TMEM255B: variants seen among roughly 807,000 people sequenced by gnomAD.
TMEM255B encodes the protein family with sequence similarity 70, member B.
In TMEM255B, 35 loss-of-function variants were observed where a neutral mutation model predicts 34.5. The observed-to-expected ratio is 1.01, with a 90% confidence interval of 0.77 to 1.34. The LOEUF (loss-of-function observed/expected upper bound fraction) is 1.34, where lower values mean the gene tolerates loss of function less well. Among genes scored for constraint, TMEM255B ranks in the 40% most tolerant of loss-of-function variants. TMEM255B has a pLI of 0.00. For synonymous variants in TMEM255B, 206 were observed against 201.2 expected (o/e 1.02, Z -0.20); for missense variants, 432 against 433.2 (o/e 1.00, Z 0.02).
At chr13:113,809,326 G>A (rs183183372) in intron 8 of TMEM255B, among the ~76,000 whole-genome samples, 206 of 23,496 alleles carry the variant, frequency 8.8e-3, no homozygotes, top group Middle Eastern at 0.023. Flanking sequence ...TTACTCCATG[G>A]TTCCCGGGGG....
At chr13:113,785,698 C>G (rs369234710) in intron 3 of TMEM255B, among the ~76,000 whole-genome samples, 1 of 152,172 alleles carries the variant, frequency 6.6e-6, no homozygotes. Context: ...GAACGGTTGC[C>G]GCTGGGCTTG....
intron 4 of TMEM255B, among the ~76,000 whole-genome samples, chr13:113,796,263 AC>A (rs1269809186): frequency 6.7e-6 from 1 of 150,316 alleles, no homozygotes; most frequent in African/African-American, 2.5e-5. Flanking sequence ...CAGAGTACAC[AC>A]CTCACACACC....
intron 8 of TMEM255B, among the ~76,000 whole-genome samples, chr13:113,805,278 G>C (rs575765373): frequency 2.0e-5 from 3 of 152,204 alleles, no homozygotes; most frequent in Non-Finnish European, 4.4e-5. Context: ...TTCTGACCCC[G>C]GGGCTGGCCC....
intron 1 of TMEM255B, chr13:113,761,218 G>T (rs1221926964): frequency 1.0e-6 from 1 of 985,234 alleles, no homozygotes; most frequent in Non-Finnish European, 1.2e-6. Context: ...AGGAAGGCCG[G>T]ATCTTAGAAC....
At chr13:113,792,486 C>A (rs1235413106) in intron 3 of TMEM255B, among the ~76,000 whole-genome samples, 1 of 152,216 alleles carries the variant, frequency 6.6e-6, no homozygotes, top group South Asian at 2.1e-4. Flanking sequence ...TGAGGAAATT[C>A]TGTTTATTCT....
intron 7 of TMEM255B, among the ~76,000 whole-genome samples, chr13:113,804,194 C>T (rs1051104981): frequency 2.0e-5 from 3 of 152,218 alleles, no homozygotes; most frequent in Admixed American, 6.5e-5. Context: ...TGAGGCCGGC[C>T]GGGGCCTGAG....
intron 5 of TMEM255B, among the ~76,000 whole-genome samples, chr13:113,800,448 C>A (rs1005197809): frequency 6.6e-6 from 1 of 151,962 alleles, no homozygotes; most frequent in African/African-American, 2.4e-5. Flanking sequence ...CGCCCTGGGA[C>A]GGGGCCTGTT....
At chr13:113,762,078 C>T (rs1027623387) in intron 1 of TMEM255B, among the ~76,000 whole-genome samples, 1 of 143,264 alleles carries the variant, frequency 7.0e-6, no homozygotes, top group Admixed American at 7.2e-5. Flanking sequence ...TTTCACAGTG[C>T]GTGTAATAAC....
intron 1 of TMEM255B, among the ~76,000 whole-genome samples, chr13:113,761,638 C>T (rs1470210962): frequency 1.3e-5 from 2 of 152,144 alleles, no homozygotes; most frequent in African/African-American, 2.4e-5. Flanking sequence ...GCCGCTACGC[C>T]GTCTTAAAGT....
intron 3 of TMEM255B, among the ~76,000 whole-genome samples, chr13:113,776,471 C>T (rs2050580174): frequency 1.3e-5 from 2 of 152,332 alleles, no homozygotes; most frequent in South Asian, 4.1e-4. Flanking sequence ...CTACGTCCAG[C>T]CCAGACAGGC....
Position 113,779,932 on chromosome 13 carries a change from A to G in TMEM255B, c.252+10772A>G, listed in dbSNP as rs141009600. On this transcript the variant is annotated intron_variant, in intron 3 of 8. Coordinates refer to ENST00000375353, the MANE Select transcript of TMEM255B (RefSeq NM_182614.4). ...AAAAGACACATGGTAGGACTGGTTT[A>G]CTTTATTATACTTGGCTTAATTATT... 3.0e-4 allele frequency among the ~76,000 whole-genome samples: 46 copies of G among 152,320 alleles called. 1 individual carries two copies. In the East Asian group the frequency reaches 6.4e-3, roughly 21 times the overall value.
chr13:113,812,247 C>T lies in TMEM255B; in HGVS notation c.*344C>T. On this transcript the variant is annotated 3_prime_UTR_variant, in exon 9 of 9. Coordinates refer to ENST00000375353, the MANE Select transcript of TMEM255B (RefSeq NM_182614.4). ...ATGATTTTGCAAAGACAGTGCAGCCCCGGCCTCCCTGCCTGTGTGTTCTTG... is the reference window on the plus strand; with the variant it reads ...ATGATTTTGCAAAGACAGTGCAGCCTCGGCCTCCCTGCCTGTGTGTTCTTG... 1 of 312,876 alleles carries T rather than the reference C, an allele frequency of 3.2e-6. No homozygotes were observed. The highest frequency in any genetic ancestry group is 4.5e-5 in the South Asian group (1 of 22,298). 19.4% of individuals were successfully genotyped at this position (312,876 alleles called of 1,614,324 possible).
Position 113,801,702 on chromosome 13 carries a change from C to T in TMEM255B, c.559C>T (p.Gln187Ter), listed in dbSNP as rs753784079. 8.1e-6 allele frequency: 13 copies of T among 1,612,134 alleles called. No individual in the cohort carries two copies. The East Asian group carries it at 2.7e-4, about 33-fold the overall frequency. ...YYEFIGVSGC[Q>*]DVLHLYRLLW... ...TGAGTTCATCGGCGTCAGCGGCTGC[C>T]AGGACGTGCTGCACCTGTACCGCCT... Residue 187 changes from glutamine (Q) to a stop codon, truncating the protein, a stop_gained, in exon 7 of 9, where the codon CAG (glutamine) becomes TAG (stop). Transcript: ENST00000375353. LOFTEE classifies it high-confidence loss of function.
rs1167376433 is a variant in TMEM255B, at chr13:113,799,600, CT to C, written c.423+182del. ...TTTGGGACCTTGACATTTCGATGTGCTGTATTTCACTCTGGAGTCAGAGTTC... is the reference window on the plus strand; with the variant it reads ...TTTGGGACCTTGACATTTCGATGTGCGTATTTCACTCTGGAGTCAGAGTTC... On this transcript the variant is annotated intron_variant, in intron 5 of 8. Coordinates refer to ENST00000375353, the MANE Select transcript of TMEM255B (RefSeq NM_182614.4). The C allele has an allele frequency of 1.1e-5, 7 of 641,438 alleles. No individual in the cohort carries two copies. In the Admixed American group the frequency reaches 1.8e-4, roughly 16 times the overall value. The allele number at this position is 641,438 out of a possible 1,614,324, so 39.7% of individuals were successfully genotyped here. A position where few individuals can be genotyped will look rare whatever the true frequency, so the allele number is the denominator to read the frequency against.
At chr13:113,804,471 T>G (rs528330812) in intron 7 of TMEM255B, among the ~76,000 whole-genome samples, 18 of 151,766 alleles carry the variant, frequency 1.2e-4, no homozygotes, top group African/African-American at 3.6e-4. Context: ...ATCAAAAAAG[T>G]AAAAGAGAGC....
At chr13:113,797,107 G>A (rs1221248821) in intron 4 of TMEM255B, among the ~76,000 whole-genome samples, 1 of 152,152 alleles carries the variant, frequency 6.6e-6, no homozygotes, top group Non-Finnish European at 1.5e-5. Flanking sequence ...TCCAGTCTCT[G>A]ACCGCAGTCG....
chr13:113,810,601 G>C (rs1310798509), intron 8 of TMEM255B, among the ~76,000 whole-genome samples: 1 of 152,194 alleles, frequency 6.6e-6, no homozygotes, highest in East Asian at 1.9e-4. Flanking sequence ...CCACAGGGAG[G>C]GGGCAGGCTG....
At chr13:113,763,609 T>C (rs1382343264) in intron 1 of TMEM255B, among the ~76,000 whole-genome samples, 3 of 152,232 alleles carry the variant, frequency 2.0e-5, no homozygotes, top group African/African-American at 7.2e-5. Context: ...AAGTACATAG[T>C]GCATTGAAAA....
intron 1 of TMEM255B, among the ~76,000 whole-genome samples, chr13:113,762,247 TA>T (rs1489139885): frequency 6.6e-6 from 1 of 152,134 alleles, no homozygotes; most frequent in African/African-American, 2.4e-5. Flanking sequence ...TTCTTGAGTT[TA>T]TTTTTTTTCT....
Sources: allele counts gnomAD v4.1 joint callset (sites outside exome capture counted in the v4.1 genomes callset), GRCh38; gene constraint gnomAD v4.1.1; transcripts MANE v1.5; gene names NCBI Gene and HGNC (gene_info 2026-07-23, HGNC 2026-07-21).